The following ARHGAP6 variants were observed in gnomAD, a reference collection of about 807,000 sequenced individuals.
ARHGAP6 encodes the protein Rho GTPase activating protein 6, also known as rho GTPase-activating protein 6.
ARHGAP6 carries 16 observed loss-of-function variants against 55.7 expected under a neutral mutation model. That is an observed-to-expected ratio of 0.29 (90% CI 0.19 to 0.44). ARHGAP6 has a LOEUF of 0.44. Ranked by LOEUF, ARHGAP6 falls within the 20% of genes least tolerant of loss-of-function variation. ARHGAP6 has a pLI of 1.00. For missense variants in ARHGAP6, 698 were observed against 808.9 expected, an observed-to-expected ratio of 0.86 and a Z score of 1.66; for synonymous variants, 382 against 360.9, an observed-to-expected ratio of 1.06 and a Z score of -0.66.
At chrX:11,420,565 C>A (rs2049809383) in intron 1 of ARHGAP6, among the ~76,000 whole-genome samples, 1 of 111,252 alleles carries the variant, frequency 9.0e-6, no homozygotes, top group African/African-American at 3.3e-5. Flanking sequence ...ACAGGTAGGC[C>A]ACAAACCCGC....
At position 11,144,123 on chromosome X, in the gene ARHGAP6, T is replaced by G. The variant is rs759441207; in HGVS notation, c.2033A>C (p.Glu678Ala). ...CTCTTGCATAGCCAGCAGGGAGCGC[T>G]CAGACAGCACTGGGGAGTTGTTGTC... ...PYDNNSPVLS[E>A]RSLLAMQEDA... Residue 678 changes from glutamate to alanine, a missense_variant, in exon 11 of 13, where the codon GAG (glutamate) becomes GCG (alanine). Physicochemically the swap from Glu to Ala is moderately radical, Grantham distance 107. Around this residue, in one of 3 missense-constraint regions of ARHGAP6, gnomAD observed 322 missense variants for 451.1 expected, o/e 0.71. Transcript: ENST00000337414. The G allele has an allele frequency of 8.3e-7, 1 of 1,211,563 alleles. No individual in the cohort carries two copies. The highest frequency in any genetic ancestry group is 2.2e-5 in the Admixed American group (1 of 46,046).
intron 1 of ARHGAP6, among the ~76,000 whole-genome samples, chrX:11,542,998 G>C: frequency 8.9e-6 from 1 of 112,008 alleles, no homozygotes; most frequent in Non-Finnish European, 1.9e-5. Context: ...TTAGGATGCA[G>C]AGTGGGAAGG....
At chrX:11,358,189 T>A (rs1354638024) in intron 1 of ARHGAP6, among the ~76,000 whole-genome samples, 1 of 112,114 alleles carries the variant, frequency 8.9e-6, no homozygotes, top group Non-Finnish European at 1.9e-5. Context: ...TTTTCGAGGT[T>A]TGCATGTGTT....
chrX:11,305,582 A>T (rs1416034225), intron 1 of ARHGAP6, among the ~76,000 whole-genome samples: 1 of 111,728 alleles, frequency 9.0e-6, no homozygotes. Flanking sequence ...GAACCTCTGA[A>T]AGTGATTGTG....
intron 1 of ARHGAP6, among the ~76,000 whole-genome samples, chrX:11,319,710 T>C (rs2048407579): frequency 8.9e-6 from 1 of 112,741 alleles, no homozygotes; most frequent in African/African-American, 3.2e-5. Context: ...CAAAAATTAT[T>C]ACCATGTATA....
chrX:11,515,609 C>T (rs1322005477), intron 1 of ARHGAP6, among the ~76,000 whole-genome samples: 3 of 112,165 alleles, frequency 2.7e-5, no homozygotes, highest in East Asian at 5.6e-4. Flanking sequence ...TTTTGGACAT[C>T]TGCCTCCTTA....
intron 3 of ARHGAP6, among the ~76,000 whole-genome samples, chrX:11,192,543 A>G (rs888898606): frequency 1.8e-5 from 2 of 112,391 alleles, no homozygotes; most frequent in African/African-American, 3.2e-5. Context: ...GAATTTCTAC[A>G]TAGTGATAAC....
intron 1 of ARHGAP6, among the ~76,000 whole-genome samples, chrX:11,327,737 C>T (rs933707698): frequency 1.7e-4 from 19 of 111,739 alleles, no homozygotes; most frequent in African/African-American, 6.2e-4. Context: ...AGCCTGACTT[C>T]ACAATGGTAC....
chrX:11,200,532 C>T lies in ARHGAP6; in HGVS notation c.749-3536G>A, dbSNP rs188190583. ...CCAATACCAAACAGTGTCTTCAGGA[C>T]GGTCGAAAACAAGAAAACATGAGAT... On this transcript the variant is annotated intron_variant, in intron 2 of 12. Transcript: ENST00000337414. Among the ~76,000 whole-genome samples the T allele has an allele frequency of 1.3e-4, 15 of 112,483 alleles. No individual in the cohort carries two copies. In the East Asian group the frequency reaches 1.4e-3, roughly 11 times the overall value.
intron 1 of ARHGAP6, among the ~76,000 whole-genome samples, chrX:11,622,846 C>T (rs767278389): frequency 9.1e-5 from 10 of 109,806 alleles, no homozygotes; most frequent in Non-Finnish European, 1.9e-4. Flanking sequence ...TGGCTCTATG[C>T]CAAGTTTTTA....
intron 1 of ARHGAP6, among the ~76,000 whole-genome samples, chrX:11,442,531 C>T (rs1053219175): frequency 1.8e-5 from 2 of 111,830 alleles, no homozygotes; most frequent in African/African-American, 6.5e-5. Flanking sequence ...TACAATTTCA[C>T]GAAGTTAAGA....
chrX:11,361,415 A>G (rs1261983469), intron 1 of ARHGAP6, among the ~76,000 whole-genome samples: 1 of 111,576 alleles, frequency 9.0e-6, no homozygotes, highest in Non-Finnish European at 1.9e-5. Context: ...AGGAGTCCCT[A>G]TTTAATAAAT....
intron 1 of ARHGAP6, among the ~76,000 whole-genome samples, chrX:11,485,037 C>A (rs1017775558): frequency 4.5e-4 from 47 of 105,561 alleles, no homozygotes; most frequent in Middle Eastern, 4.9e-3. Context: ...ACAACAACAA[C>A]AAAAAAAAAA....
chrX:11,591,020 C>T (rs889258831), intron 1 of ARHGAP6, among the ~76,000 whole-genome samples: 3 of 107,616 alleles, frequency 2.8e-5, no homozygotes, highest in Non-Finnish European at 5.8e-5. Context: ...GGTGAAACCC[C>T]GTCTCTACTA....
intron 1 of ARHGAP6, among the ~76,000 whole-genome samples, chrX:11,308,917 T>C (rs1407036509): frequency 8.9e-6 from 1 of 111,909 alleles, no homozygotes; most frequent in Non-Finnish European, 1.9e-5. Context: ...AATATACACG[T>C]CTTGGCAATG....
chrX:11,606,249 C>T (rs1460939219), intron 1 of ARHGAP6, among the ~76,000 whole-genome samples: 1 of 111,853 alleles, frequency 8.9e-6, no homozygotes, highest in African/African-American at 3.2e-5. Flanking sequence ...TAGCTTTACC[C>T]AAGTTATACA....
At chrX:11,207,760 G>A (rs2046727979) in intron 2 of ARHGAP6, among the ~76,000 whole-genome samples, 1 of 112,129 alleles carries the variant, frequency 8.9e-6, no homozygotes, top group African/African-American at 3.2e-5. Flanking sequence ...ACAAAGTAAG[G>A]AAATAATTAG....
chrX:11,423,988 A>T (rs1437451637), intron 1 of ARHGAP6, among the ~76,000 whole-genome samples: 1 of 112,585 alleles, frequency 8.9e-6, no homozygotes, highest in Non-Finnish European at 1.9e-5. Context: ...AACTTAATGG[A>T]TACTTAAATT....
intron 1 of ARHGAP6, among the ~76,000 whole-genome samples, chrX:11,443,017 G>A (rs994730607): frequency 9.8e-5 from 11 of 111,737 alleles, no homozygotes; most frequent in Admixed American, 9.5e-4. Context: ...GAACTCATAA[G>A]TGTACAACTC....
Sources: gnomAD v4.1 joint callset for allele counts (sites outside exome capture counted in the v4.1 genomes callset) on GRCh38, gnomAD v4.1.1 for gene constraint, gnomAD v4.1.1 regional missense constraint, MANE v1.5 for transcripts, NCBI Gene and HGNC (gene_info 2026-07-23, HGNC 2026-07-21) for gene names.